DCC: variants seen among roughly 807,000 people sequenced by gnomAD.
DCC encodes netrin receptor DCC.
DCC carries 58 observed loss-of-function variants against 172.5 expected under a neutral mutation model. The observed-to-expected ratio is 0.34, with a 90% CI of 0.27 to 0.42. The LOEUF (loss-of-function observed/expected upper bound fraction) is 0.42, where lower values mean the gene tolerates loss of function less well. DCC is among the 10% of genes least tolerant of loss of function. DCC has a pLI of 1.00. For missense variants in DCC, 1,740 were observed against 1,791.0 expected (o/e 0.97, Z 0.51); for synonymous variants, 709 against 644.5 (o/e 1.10, Z -1.52).
chr18:52,900,296 A>G (rs1298643457), intron 2 of DCC, among the ~76,000 whole-genome samples: 1 of 152,212 alleles, frequency 6.6e-6, no homozygotes, highest in Non-Finnish European at 1.5e-5. Flanking sequence ...ACAGGCATTG[A>G]GCAACACTTA....
chr18:52,499,084 T>C (rs564986157), intron 1 of DCC, among the ~76,000 whole-genome samples: 24 of 152,220 alleles, frequency 1.6e-4, no homozygotes, highest in Non-Finnish European at 2.9e-4. Context: ...CTGTCATCTT[T>C]GCTGCTTAAA....
At chr18:52,798,625 G>A (rs1160413264) in intron 2 of DCC, among the ~76,000 whole-genome samples, 1 of 152,178 alleles carries the variant, frequency 6.6e-6, no homozygotes, top group Non-Finnish European at 1.5e-5. Flanking sequence ...TTATAACTGT[G>A]TCTGTGAGGC....
At chr18:53,129,418 A>G (rs1417165116) in intron 7 of DCC, among the ~76,000 whole-genome samples, 2 of 152,112 alleles carry the variant, frequency 1.3e-5, no homozygotes, top group Admixed American at 6.6e-5. Context: ...ATCATCCAAA[A>G]TAAGACATAG....
chr18:53,013,803 C>A (rs1302498315), intron 5 of DCC, among the ~76,000 whole-genome samples: 1 of 151,916 alleles, frequency 6.6e-6, no homozygotes, highest in Non-Finnish European at 1.5e-5. Flanking sequence ...CACTCAAAAA[C>A]TCTTATTTCC....
intron 7 of DCC, among the ~76,000 whole-genome samples, chr18:53,125,286 C>T (rs1040460628): frequency 3.3e-5 from 5 of 151,930 alleles, no homozygotes; most frequent in Admixed American, 3.3e-4. Flanking sequence ...CTTTCTTTTT[C>T]ACAGAGAATT....
chr18:52,782,012 AAAT>A (rs1215338104), intron 2 of DCC, among the ~76,000 whole-genome samples: 1 of 152,176 alleles, frequency 6.6e-6, no homozygotes, highest in African/African-American at 2.4e-5. Flanking sequence ...TTTTTAAAGA[AAAT>A]AATTTCTGAA....
At chr18:53,526,183 A>G (rs140383366) in intron 27 of DCC, among the ~76,000 whole-genome samples, 1 of 152,110 alleles carries the variant, frequency 6.6e-6, no homozygotes, top group Non-Finnish European at 1.5e-5. Flanking sequence ...TCATTTGTAG[A>G]CCAGAGCAAC....
chr18:52,427,373 T>A (rs551268606), intron 1 of DCC, among the ~76,000 whole-genome samples: 69 of 151,726 alleles, frequency 4.5e-4, no homozygotes, highest in Admixed American at 3.3e-4. Flanking sequence ...GAATTTTTTT[T>A]AAAATCTTTT....
intron 1 of DCC, among the ~76,000 whole-genome samples, chr18:52,349,911 C>A (rs1984042208): frequency 6.6e-6 from 1 of 152,160 alleles, no homozygotes; most frequent in East Asian, 1.9e-4. Context: ...AGGGGCCTAA[C>A]TCTGATGTGC....
intron 5 of DCC, among the ~76,000 whole-genome samples, chr18:53,036,109 A>G (rs1375456260): frequency 6.6e-6 from 1 of 151,978 alleles, no homozygotes; most frequent in African/African-American, 2.4e-5. Context: ...TCAGATTTAT[A>G]TTATAGTGCC....
chr18:52,708,184 G>A (rs761552909), intron 1 of DCC, among the ~76,000 whole-genome samples: 1 of 152,170 alleles, frequency 6.6e-6, no homozygotes, highest in Admixed American at 6.5e-5. Context: ...GCTCACGCCT[G>A]TAATCCCAGC....
chr18:52,990,309 G>A (rs960914236), intron 5 of DCC, among the ~76,000 whole-genome samples: 5 of 152,060 alleles, frequency 3.3e-5, no homozygotes, highest in African/African-American at 9.7e-5. Flanking sequence ...GGGAGGCAGA[G>A]GCAGGCAGAT....
In DCC at chr18:53,128,862, CACACACACATATATATATATAT is replaced by C. The variant is rs1470396092; in HGVS notation, c.1262-28492_1262-28471del. Among the ~76,000 whole-genome samples, 106 of 81,094 alleles carry C rather than the reference CACACACACATATATATATATAT, an allele frequency of 1.3e-3. No individual in the cohort carries two copies. The South Asian group carries it at 0.016, about 12-fold the overall frequency. 53.2% of individuals were successfully genotyped at this position (81,094 alleles called of 152,430 possible). ...ACACACACACACACACACACACACA[CACACACACATATATATATATAT>C]ATATATATATATATATATATTATTT... On this transcript the variant is annotated intron_variant, in intron 7 of 28. Transcript: ENST00000442544.
chr18:52,882,396 T>C (rs2039499865), intron 2 of DCC, among the ~76,000 whole-genome samples: 1 of 152,094 alleles, frequency 6.6e-6, no homozygotes, highest in African/African-American at 2.4e-5. Context: ...TTGAAGTTTT[T>C]GTTTCTTTTT....
At chr18:53,485,591 T>A (rs151315696) in intron 25 of DCC, among the ~76,000 whole-genome samples, 1 of 152,150 alleles carries the variant, frequency 6.6e-6, no homozygotes, top group South Asian at 2.1e-4. Context: ...ACTTCATTTT[T>A]CAGTTTAAGT....
At chr18:53,308,838 GAGGCCAGA>G (rs79839067) in intron 13 of DCC, among the ~76,000 whole-genome samples, 2,519 of 152,240 alleles carry the variant, frequency 0.017, 25 homozygotes, top group Non-Finnish European at 0.026. Context: ...CATAGTTCAG[GAGGCCAGA>G]AGTCTGACAT....
chr18:52,509,795 C>T (rs1232862827), intron 1 of DCC, among the ~76,000 whole-genome samples: 1 of 152,162 alleles, frequency 6.6e-6, no homozygotes, highest in Non-Finnish European at 1.5e-5. Context: ...CGAGTTGCCC[C>T]TCTCTTGATT....
chr18:52,566,093 G>A (rs961033262), intron 1 of DCC, among the ~76,000 whole-genome samples: 4 of 152,076 alleles, frequency 2.6e-5, no homozygotes, highest in African/African-American at 9.7e-5. Context: ...ATTAAATAGG[G>A]AATCCTTTCC....
At position 52,610,168 on chromosome 18, in the gene DCC, AAAAAAAAAAAATATATATATAT is replaced by A. The variant is rs1168899044; in HGVS notation, c.92-141884_92-141863del. Among the ~76,000 whole-genome samples the A allele has an allele frequency of 1.6e-3, 38 of 23,052 alleles. 3 individuals are homozygous for A. The highest frequency in any genetic ancestry group is 2.8e-3 in the African/African-American group (15 of 5,364). The allele number at this position is 23,052 out of a possible 152,430, so 15.1% of individuals were successfully genotyped here. ...ATCTCTCATAAAAAAAAAAAAAAAA[AAAAAAAAAAAATATATATATAT>A]ATATATATATATATATATATATATA... On this transcript the variant is annotated intron_variant, in intron 1 of 28. Coordinates refer to ENST00000442544, the MANE Select transcript of DCC (RefSeq NM_005215.4).
Sources: allele counts gnomAD v4.1 joint callset (sites outside exome capture counted in the v4.1 genomes callset), GRCh38; gene constraint gnomAD v4.1.1; transcripts MANE v1.5; gene names NCBI Gene and HGNC (gene_info 2026-07-23, HGNC 2026-07-21).